TARBP1: variants seen among roughly 807,000 people sequenced by gnomAD.
TARBP1 encodes tRNA (guanosine(18)-2'-O)-methyltransferase TARBP1.
TARBP1 carries 144 observed loss-of-function variants against 178.6 expected under a neutral mutation model. The ratio of observed to expected loss-of-function variants is 0.81; its 90% confidence interval spans 0.70 to 0.93. The LOEUF (loss-of-function observed/expected upper bound fraction) is 0.93, where lower values mean the gene tolerates loss of function less well. TARBP1 is among the 40% of genes least tolerant of loss of function. TARBP1 has a pLI of 0.00. For missense variants in TARBP1, 2,067 were observed against 2,011.7 expected (o/e 1.03, Z -0.53); for synonymous variants, 787 against 781.0 (o/e 1.01, Z -0.13).
Position 234,429,305 on chromosome 1 carries a change from G to T in TARBP1, c.2891C>A (p.Ser964Ter). 1 of 1,574,668 alleles carries T rather than the reference G, an allele frequency of 6.4e-7. No individual in the cohort carries two copies. Among genetic ancestry groups the T allele is most frequent in the South Asian group, 1.2e-5 (1 of 84,138 alleles). The part of the protein sequence containing the change: ...LVPKLLTSSE[S>*]LCIESFDMAW... Reference sequence around the variant, plus strand: ...CATGTCAAAAGACTCTATGCAGAGTGATTCAGAGGAAGTCAGAAGCTGGTA... The same window carrying T: ...CATGTCAAAAGACTCTATGCAGAGTTATTCAGAGGAAGTCAGAAGCTGGTA... Residue 964 changes from serine to a stop codon, truncating the protein, a stop_gained, in exon 17 of 30, where the codon TCA (serine) becomes TAA (stop). Coordinates refer to ENST00000040877, the MANE Select transcript of TARBP1 (RefSeq NM_005646.4). LOFTEE classifies it high-confidence loss of function.
intron 20 of TARBP1, among the ~76,000 whole-genome samples, chr1:234,423,027 T>C (rs1419617509): frequency 1.3e-5 from 2 of 152,170 alleles, no homozygotes; most frequent in African/African-American, 2.4e-5. Context: ...TCTGATTCTG[T>C]AGACTGGGGG....
At position 234,418,196 on chromosome 1, in the gene TARBP1, G is replaced by C; in HGVS notation, c.3593C>G (p.Ala1198Gly). The C allele has an allele frequency of 6.4e-7, 1 of 1,556,352 alleles. No homozygotes were observed. The highest frequency in any genetic ancestry group is 2.4e-5 in the East Asian group (1 of 41,406). ...GGATGCTTGATTGTTGGTGAAACCA[G>C]CCTGGAAAATCCTGTCAATAATTCC... ...LNGIIDRIFQ[A>G]GFTNNQASIK... The change falls in exon 22 of 30, where the codon GCT (alanine) becomes GGT (glycine). Residue 1198 changes from alanine (A) to glycine (G), a missense_variant. Transcript: ENST00000040877.
intron 1 of TARBP1, among the ~76,000 whole-genome samples, chr1:234,474,266 A>G (rs1669364747): frequency 2.0e-5 from 3 of 150,754 alleles, no homozygotes; most frequent in Non-Finnish European, 4.4e-5. Flanking sequence ...ACACACACAC[A>G]CACACACACA....
rs1390472162 is a variant in TARBP1, at chr1:234,458,387, CCT to C, written c.1633-633_1633-632del. 9.9e-5 allele frequency among the ~76,000 whole-genome samples: 15 copies of C among 152,212 alleles called. No individual in the cohort carries two copies. In the South Asian group the frequency reaches 1.7e-3, roughly 17 times the overall value. On this transcript the variant is annotated intron_variant, in intron 8 of 29. Transcript: ENST00000040877. Reference sequence around the variant, plus strand: ...ATTTTCAATGCCATAAAAATGAGCCCCTGACTCAGAAAACCACCTAGGTCTTT... The same window carrying C: ...ATTTTCAATGCCATAAAAATGAGCCCGACTCAGAAAACCACCTAGGTCTTT...
intron 24 of TARBP1, among the ~76,000 whole-genome samples, chr1:234,404,288 G>C (rs1660995044): frequency 6.6e-6 from 1 of 152,148 alleles, no homozygotes; most frequent in Non-Finnish European, 1.5e-5. Context: ...AGGGCTGAAA[G>C]TCTATGGGGT....
At chr1:234,470,805 G>A (rs988323809) in intron 3 of TARBP1, among the ~76,000 whole-genome samples, 3 of 151,848 alleles carry the variant, frequency 2.0e-5, no homozygotes, top group African/African-American at 4.8e-5. Context: ...TAGTAGAGAC[G>A]GAGTTTCACT....
rs763097093 is a variant in TARBP1 at position 234,478,289 on chromosome 1, C to G, written c.815G>C (p.Gly272Ala). Residue 272 changes from glycine to alanine, a missense_variant, in exon 1 of 30, where the codon GGG (glycine) becomes GCG (alanine). Gly to Ala is a moderately conservative substitution (Grantham distance 60). Transcript: ENST00000040877. ...CWRFWRTVQA[G>A]LGQADALTRK... ...CGTCAGGGCGTCCGCCTGGCCCAGC[C>G]CCGCCTGCACCGTCCTCCAGAAGCG... 5 of 1,560,178 alleles carry G rather than the reference C, an allele frequency of 3.2e-6. No individual in the cohort carries two copies. In the Admixed American group the frequency reaches 7.3e-5, roughly 23 times the overall value.
At chr1:234,472,353 A>AAC (rs1669148751) in intron 2 of TARBP1, among the ~76,000 whole-genome samples, 1 of 144,430 alleles carries the variant, frequency 6.9e-6, no homozygotes, top group African/African-American at 2.5e-5. Context: ...AAAAAAAAAA[A>AAC]AAAACTCAAA....
intron 12 of TARBP1, among the ~76,000 whole-genome samples, chr1:234,445,098 C>G (rs549125263): frequency 1.3e-5 from 2 of 152,280 alleles, no homozygotes; most frequent in South Asian, 2.1e-4. Flanking sequence ...CGCTGATTTC[C>G]ATGTTGCTAA....
At position 234,478,182 on chromosome 1, in the gene TARBP1, C is replaced by T; in HGVS notation, c.922G>A (p.Glu308Lys). Residue 308 changes from glutamate (E) to lysine (K), a missense_variant, in exon 1 of 30, where the codon GAA becomes AAA. Coordinates refer to ENST00000040877, the MANE Select transcript of TARBP1 (RefSeq NM_005646.4). ...GCAAAGAGGCAGGTACCGTTTCCTT[C>T]CTGGGGCCCGCAGGTGCAGTCGGCC... ...LGADCTCGPQ[E>K]GNGPSLFWWS... The T allele has an allele frequency of 6.2e-7, 1 of 1,611,868 alleles. No homozygotes were observed. Among genetic ancestry groups the T allele is most frequent in the Non-Finnish European group, 8.5e-7 (1 of 1,179,530 alleles).
chr1:234,478,670 G>A lies in TARBP1; in HGVS notation c.434C>T (p.Ala145Val), dbSNP rs1197435088. The A allele has an allele frequency of 6.4e-6, 8 of 1,250,286 alleles. No individual in the cohort carries two copies. The highest frequency in any genetic ancestry group is 8.0e-6 in the Non-Finnish European group (8 of 996,818). The allele number at this position is 1,250,286 out of a possible 1,614,324, so 77.4% of individuals were successfully genotyped here. A position where few individuals can be genotyped will look rare whatever the true frequency, so the allele number is the denominator to read the frequency against. The change falls in exon 1 of 30, where the codon GCA becomes GTA. Residue 145 changes from alanine to valine, a missense_variant. Physicochemically the swap from Ala to Val is moderately conservative, Grantham distance 64. Coordinates refer to ENST00000040877, the MANE Select transcript of TARBP1 (RefSeq NM_005646.4). ...GGGCCGCAAACATGGCCCGACGGCT[G>A]CTAGCACTTCCACGGCAGCCTCGGC... ...PGAEAAVEVL[A>V]AVGPCLRPRE...
Position 234,398,447 on chromosome 1 carries a change from T to C in TARBP1, c.4178A>G (p.Gln1393Arg). The change falls in exon 26 of 30, where the codon CAG becomes CGG. Residue 1393 changes from glutamine (Q) to arginine (R), a missense_variant. Transcript: ENST00000040877. ...AAGTTGAGTTTGAGAAAGGTACCAC[T>C]GAAATCCCGCAGCTAAAGGAACATC... Reference protein sequence around the residue: ...FTDVPLAAGFQWYLSQTQLSK... With the variant: ...FTDVPLAAGFRWYLSQTQLSK... 1 of 1,612,186 alleles carries C rather than the reference T, an allele frequency of 6.2e-7. No homozygotes were observed. Among genetic ancestry groups the C allele is most frequent in the Non-Finnish European group, 8.5e-7 (1 of 1,178,788 alleles).
chr1:234,397,846 G>A (rs1660290719), intron 26 of TARBP1, among the ~76,000 whole-genome samples: 1 of 109,132 alleles, frequency 9.2e-6, no homozygotes, highest in Non-Finnish European at 1.9e-5. Flanking sequence ...GGAGGGGAGG[G>A]GGAGGAGGGG....
chr1:234,401,013 T>A, intron 25 of TARBP1, 168 bp downstream of exon 25: 1 of 504,124 alleles, frequency 2.0e-6, no homozygotes, highest in Non-Finnish European at 3.5e-6. Context: ...TGAAAGCAAG[T>A]CATCTGCATA....
chr1:234,451,382 T>G (rs1246128844), intron 9 of TARBP1, among the ~76,000 whole-genome samples: 1 of 152,228 alleles, frequency 6.6e-6, no homozygotes, highest in East Asian at 1.9e-4. Context: ...AATTATTTTT[T>G]GTGTCCATTA....
chr1:234,398,640 TGA>T, intron 25 of TARBP1, 87 bp from the exon 26 acceptor site: 1 of 1,022,418 alleles, frequency 9.8e-7, no homozygotes, highest in Non-Finnish European at 1.3e-6. Context: ...TAATTATTAA[TGA>T]TATATTCTCC....
chr1:234,400,027 A>G (rs1660520848), intron 25 of TARBP1, among the ~76,000 whole-genome samples: 1 of 147,804 alleles, frequency 6.8e-6, no homozygotes, highest in South Asian at 2.2e-4. Context: ...CCTAAAACTT[A>G]AAGTATAATA....
chr1:234,453,331 T>G (rs536536962), intron 9 of TARBP1, among the ~76,000 whole-genome samples: 39 of 143,500 alleles, frequency 2.7e-4, no homozygotes, highest in East Asian at 4.0e-4. Flanking sequence ...TTTTGTGTGT[T>G]TTTTTTTTTT....
chr1:234,457,333 G>C (rs1667383619), intron 9 of TARBP1, among the ~76,000 whole-genome samples: 3 of 152,216 alleles, frequency 2.0e-5, no homozygotes, highest in Admixed American at 2.0e-4. Context: ...AGAAAAAAGA[G>C]AAAGAGGAGT....
Sources: gnomAD v4.1 joint callset for allele counts (sites outside exome capture counted in the v4.1 genomes callset) on GRCh38, gnomAD v4.1.1 for gene constraint, MANE v1.5 for transcripts, NCBI Gene and HGNC (gene_info 2026-07-23, HGNC 2026-07-21) for gene names.